HSPA4: variants seen among roughly 807,000 people sequenced by gnomAD.
The protein encoded by HSPA4 is heat shock protein family A (Hsp70) member 4, also known as heat shock 70 kDa protein 4.
In HSPA4, 25 loss-of-function variants were observed where a neutral mutation model predicts 106.2. The ratio of observed to expected loss-of-function variants is 0.24; its 90% confidence interval spans 0.17 to 0.33. HSPA4 has a LOEUF of 0.33. HSPA4 is among the 10% of genes least tolerant of loss of function. HSPA4 has a pLI of 1.00. For missense variants in HSPA4, 841 were observed against 996.0 expected, an observed-to-expected ratio of 0.84 and a Z score of 2.10; for synonymous variants, 332 against 333.6, an observed-to-expected ratio of 1.00 and a Z score of 0.05.
chr5:133,097,406 G>C (rs1004270487), intron 15 of HSPA4, 120 bp downstream of exon 15: 1 of 758,004 alleles, frequency 1.3e-6, no homozygotes. Flanking sequence ...GAGTTTTTCT[G>C]GGGGGGGCAA....
At position 133,105,433 on chromosome 5, in the gene HSPA4, A is replaced by C. The variant is rs1765844620; in HGVS notation, c.*997A>C. 1 of 152,326 alleles carries C rather than the reference A, an allele frequency of 6.6e-6. No homozygotes were observed. Among genetic ancestry groups the C allele is most frequent in the South Asian group, 2.1e-4 (1 of 4,820 alleles). 9.4% of individuals were successfully genotyped at this position (152,326 alleles called of 1,614,324 possible). A position where few individuals can be genotyped will look rare whatever the true frequency, so the allele number is the denominator to read the frequency against. ...GCAGCTGACAGATGATGCAAAAAAAACTAAGATACACTGGATTGTACTGGA... is the reference window on the plus strand; with the variant it reads ...GCAGCTGACAGATGATGCAAAAAAACCTAAGATACACTGGATTGTACTGGA... On this transcript the variant is annotated 3_prime_UTR_variant, in exon 19 of 19. Transcript: ENST00000304858.
At chr5:133,059,584 G>A (rs768456989) in intron 1 of HSPA4, among the ~76,000 whole-genome samples, 1 of 152,152 alleles carries the variant, frequency 6.6e-6, no homozygotes, top group African/African-American at 2.4e-5. Flanking sequence ...CTGCATTCCA[G>A]CCTGGGTGAT....
At chr5:133,073,552 C>A (rs966733021) in intron 5 of HSPA4, among the ~76,000 whole-genome samples, 1 of 152,146 alleles carries the variant, frequency 6.6e-6, no homozygotes, top group African/African-American at 2.4e-5. Context: ...TAAACACATG[C>A]TTGTTGGGGA....
At chr5:133,060,563 T>C (rs1368783445) in intron 1 of HSPA4, among the ~76,000 whole-genome samples, 4 of 152,072 alleles carry the variant, frequency 2.6e-5, no homozygotes, top group Non-Finnish European at 1.5e-5. Context: ...GGTTTCACCG[T>C]GTTGTCCAGG....
chr5:133,059,122 C>A (rs1465227378), intron 1 of HSPA4, among the ~76,000 whole-genome samples: 2 of 137,388 alleles, frequency 1.5e-5, no homozygotes, highest in Non-Finnish European at 3.1e-5. Flanking sequence ...AGTGAGACTC[C>A]GTCTCAAAAA....
In HSPA4 at chr5:133,105,047, AGAC is replaced by A. The variant is rs1375096912; in HGVS notation, c.*612_*614del. On this transcript the variant is annotated 3_prime_UTR_variant, in exon 19 of 19. Coordinates refer to ENST00000304858, the MANE Select transcript of HSPA4 (RefSeq NM_002154.4). ...TGCCATGTACTTCTCTTGGGAAAAT[AGAC>A]CCCCTTGCCTAGAGTAAGTTGTTAA... The A allele has an allele frequency of 6.6e-6, 1 of 152,260 alleles. No individual in the cohort carries two copies. The highest frequency in any genetic ancestry group is 1.5e-5 in the Non-Finnish European group (1 of 68,210). 9.4% of individuals were successfully genotyped at this position (152,260 alleles called of 1,614,324 possible).
chr5:133,095,308 A>G (rs1765697157), intron 13 of HSPA4, among the ~76,000 whole-genome samples: 1 of 152,100 alleles, frequency 6.6e-6, no homozygotes, highest in African/African-American at 2.4e-5. Flanking sequence ...TCTCAAAAAA[A>G]CAAACAAAAA....
chr5:133,100,563 G>A (rs1765772162), intron 16 of HSPA4, among the ~76,000 whole-genome samples: 1 of 152,054 alleles, frequency 6.6e-6, no homozygotes, highest in Non-Finnish European at 1.5e-5. Flanking sequence ...ACTTTGGGAG[G>A]CCTAGGCGGG....
chr5:133,095,908 A>G (rs1392962080), intron 13 of HSPA4, among the ~76,000 whole-genome samples, 190 bp from the exon 14 acceptor site: 1 of 152,070 alleles, frequency 6.6e-6, no homozygotes, highest in Non-Finnish European at 1.5e-5. Context: ...TATGAATTTG[A>G]CTGCTCTAGA....
Position 133,073,264 on chromosome 5 carries a change from C to T in HSPA4, c.464C>T (p.Ser155Leu), listed in dbSNP as rs1351752680. 1 of 1,608,972 alleles carries T rather than the reference C, an allele frequency of 6.2e-7. No individual in the cohort carries two copies. Among genetic ancestry groups the T allele is most frequent in the African/African-American group, 1.3e-5 (1 of 74,610 alleles). ...PCFYTDAERR[S>L]VMDATQIAGL... is the part of the protein sequence containing the mutation. ...TTCTATACTGATGCAGAAAGACGAT[C>T]AGTGATGGATGCAACACAGATTGCT... The change falls in exon 5 of 19, where the codon TCA (serine) becomes TTA (leucine). Residue 155 changes from serine to leucine, a missense_variant. Physicochemically the swap from Ser to Leu is moderately radical, Grantham distance 145. Coordinates refer to ENST00000304858, the MANE Select transcript of HSPA4 (RefSeq NM_002154.4).
chr5:133,057,621 T>C (rs2126692286), intron 1 of HSPA4, among the ~76,000 whole-genome samples: 1 of 152,344 alleles, frequency 6.6e-6, no homozygotes, highest in South Asian at 2.1e-4. Flanking sequence ...AAATATTCGG[T>C]CAGTAGTTTC....
chr5:133,058,603 G>C (rs143655493), intron 1 of HSPA4, among the ~76,000 whole-genome samples: 1 of 151,244 alleles, frequency 6.6e-6, no homozygotes, highest in African/African-American at 2.4e-5. Context: ...GCTTGAATTC[G>C]GGAGGTGGAG....
chr5:133,099,894 C>T (rs1379672320), intron 16 of HSPA4, among the ~76,000 whole-genome samples: 1 of 152,148 alleles, frequency 6.6e-6, no homozygotes, highest in Non-Finnish European at 1.5e-5. Context: ...ATGTTTAGTG[C>T]ATTCTTGGTG....
At chr5:133,090,048 A>G (rs1765626011) in intron 11 of HSPA4, among the ~76,000 whole-genome samples, 1 of 152,198 alleles carries the variant, frequency 6.6e-6, no homozygotes, top group South Asian at 2.1e-4. Flanking sequence ...TGGTTAGCGC[A>G]CATTGTAATT....
intron 17 of HSPA4, among the ~76,000 whole-genome samples, 173 bp downstream of exon 17, chr5:133,102,051 C>G (rs183177309): frequency 4.6e-5 from 7 of 151,734 alleles, no homozygotes; most frequent in Admixed American, 4.6e-4. Flanking sequence ...CTCAGCTTCC[C>G]GAGTAGCTGG....
chr5:133,067,213 T>G (rs1017706038), intron 2 of HSPA4, among the ~76,000 whole-genome samples: 4 of 152,204 alleles, frequency 2.6e-5, no homozygotes, highest in African/African-American at 9.7e-5. Context: ...TTTTTAGCCC[T>G]GCCACTCTGA....
chr5:133,082,891 T>C (rs1031363377), intron 7 of HSPA4, among the ~76,000 whole-genome samples: 5 of 151,996 alleles, frequency 3.3e-5, no homozygotes, highest in Non-Finnish European at 5.9e-5. Flanking sequence ...ATCCCAGCAT[T>C]TTGGGAGGCT....
intron 1 of HSPA4, among the ~76,000 whole-genome samples, chr5:133,054,690 C>G (rs1765136869): frequency 1.3e-5 from 2 of 152,166 alleles, no homozygotes; most frequent in South Asian, 4.1e-4. Flanking sequence ...AATGGGTAGT[C>G]TAACTTGGCA....
At position 133,104,454 on chromosome 5, in the gene HSPA4, A is replaced by T. The variant is rs752003122; in HGVS notation, c.*18A>T. 6 of 1,602,584 alleles carry T rather than the reference A, an allele frequency of 3.7e-6. No individual in the cohort carries two copies. Among genetic ancestry groups the T allele is most frequent in the Non-Finnish European group, 8.5e-7 (1 of 1,169,892 alleles). On this transcript the variant is annotated 3_prime_UTR_variant, in exon 19 of 19. Coordinates refer to ENST00000304858, the MANE Select transcript of HSPA4 (RefSeq NM_002154.4). ...TTGATTGATTCCAACACTTGTTTCT[A>T]TTAAAACAGACTATTATAAAGCTTT...
Sources: gnomAD v4.1 joint callset for allele counts (sites outside exome capture counted in the v4.1 genomes callset) on GRCh38, gnomAD v4.1.1 for gene constraint, MANE v1.5 for transcripts, NCBI Gene and HGNC (gene_info 2026-07-23, HGNC 2026-07-21) for gene names.